EGFR: variants seen among roughly 807,000 people sequenced by gnomAD.
The protein encoded by EGFR is epidermal growth factor receptor.
In EGFR, 58 loss-of-function variants were observed where a neutral mutation model predicts 143.0. The observed-to-expected ratio is 0.41, with a 90% CI of 0.33 to 0.50. EGFR has a LOEUF of 0.50. Ranked by LOEUF, EGFR falls within the 20% of genes least tolerant of loss-of-function variation. The probability of loss-of-function intolerance (pLI) is 0.39; values close to 1 mark genes in which losing one functional copy is unlikely to be tolerated. For missense variants in EGFR, 1,307 were observed against 1,579.0 expected (o/e 0.83, Z 2.92); for synonymous variants, 613 against 594.4 (o/e 1.03, Z -0.45).
Position 55,171,163 on chromosome 7 carries a change from C to T in EGFR, c.1881-12C>T, listed in dbSNP as rs2128951325. ...ATGAGAAAAATGTATATTTCTCTTTCACTTCCTACAGATGCACTGGGCCAG... is the reference window on the plus strand; with the variant it reads ...ATGAGAAAAATGTATATTTCTCTTTTACTTCCTACAGATGCACTGGGCCAG... On this transcript the variant is annotated splice_polypyrimidine_tract_variant and intron_variant, in intron 15 of 27. Coordinates refer to ENST00000275493, the MANE Select transcript of EGFR (RefSeq NM_005228.5). 6.2e-7 allele frequency: 1 copy of T among 1,614,184 alleles called. No individual in the cohort carries two copies. Among genetic ancestry groups the T allele is most frequent in the Non-Finnish European group, 8.5e-7 (1 of 1,180,034 alleles).
chr7:55,140,019 A>G (rs1794370376), intron 1 of EGFR, among the ~76,000 whole-genome samples: 1 of 151,870 alleles, frequency 6.6e-6, no homozygotes, highest in Admixed American at 6.5e-5. Context: ...CATTTATTCA[A>G]AAAGTGCTAA....
At chr7:55,079,779 T>C (rs1034142057) in intron 1 of EGFR, among the ~76,000 whole-genome samples, 3 of 152,024 alleles carry the variant, frequency 2.0e-5, no homozygotes, top group East Asian at 1.9e-4. Context: ...ACAAGCCCAG[T>C]AGTCCGTGAA....
intron 1 of EGFR, among the ~76,000 whole-genome samples, chr7:55,124,991 G>C (rs931968710): frequency 6.6e-6 from 1 of 152,246 alleles, no homozygotes; most frequent in Non-Finnish European, 1.5e-5. Context: ...GCAAAGTTCA[G>C]CATACATGAG....
In EGFR at chr7:55,122,252, C is replaced by T. The variant is rs967906936; in HGVS notation, c.89-20034C>T. Among the ~76,000 whole-genome samples the T allele has an allele frequency of 5.3e-5, 8 of 152,196 alleles. No individual in the cohort carries two copies. The South Asian group carries it at 1.0e-3, about 20-fold the overall frequency. ...CTCCGTCGACCTTGGCCTTTGGTAA[C>T]GTGATTTTTCACCTGGCAGCTCCCA... On this transcript the variant is annotated intron_variant, in intron 1 of 27. Coordinates refer to ENST00000275493, the MANE Select transcript of EGFR (RefSeq NM_005228.5).
chr7:55,070,428 G>T (rs1789751958), intron 1 of EGFR, among the ~76,000 whole-genome samples: 1 of 152,182 alleles, frequency 6.6e-6, no homozygotes, highest in Non-Finnish European at 1.5e-5. Context: ...CGGACAAATT[G>T]CCCCAACTAC....
intron 1 of EGFR, among the ~76,000 whole-genome samples, chr7:55,041,483 C>T (rs139344324): frequency 0.011 from 1,710 of 152,216 alleles, 27 homozygotes; most frequent in African/African-American, 0.039. Context: ...CCAGCCCATA[C>T]ACATCGTACC....
At chr7:55,158,891 A>G (rs1785558694) in intron 11 of EGFR, among the ~76,000 whole-genome samples, 1 of 152,216 alleles carries the variant, frequency 6.6e-6, no homozygotes. Flanking sequence ...GTGTAGGAGA[A>G]AGGAAAAAGA....
intron 15 of EGFR, chr7:55,168,407 A>G (rs1786176731): frequency 5.3e-6 from 4 of 761,484 alleles, no homozygotes; most frequent in Admixed American, 2.0e-5. Flanking sequence ...GGCATTTTCA[A>G]TACACTTACT....
chr7:55,079,573 G>T (rs550439574), intron 1 of EGFR, among the ~76,000 whole-genome samples: 102 of 149,414 alleles, frequency 6.8e-4, no homozygotes, highest in Non-Finnish European at 1.1e-3. Flanking sequence ...GTTCAGCATG[G>T]ATTTTATGGC....
chr7:55,170,451 G>A (rs749080156), intron 15 of EGFR: 2 of 1,614,124 alleles, frequency 1.2e-6, no homozygotes, highest in Non-Finnish European at 1.7e-6. Context: ...CTTCTCTTCT[G>A]CCGTCAGAGT....
intron 10 of EGFR, chr7:55,157,051 G>A: frequency 8.3e-7 from 1 of 1,198,208 alleles, no homozygotes; most frequent in South Asian, 1.6e-5. Flanking sequence ...GTGTAAACAC[G>A]CTTTCTCCCT....
rs2128853217 is a variant in EGFR, at chr7:55,019,258, G to A, written c.-20G>A. 1 of 1,480,824 alleles carries A rather than the reference G, an allele frequency of 6.8e-7. No individual in the cohort carries two copies. Among genetic ancestry groups the A allele is most frequent in the Middle Eastern group, 2.1e-4 (1 of 4,870 alleles). 91.7% of individuals were successfully genotyped at this position (1,480,824 alleles called of 1,614,324 possible). ...CAGTATTGATCGGGAGAGCCGGAGC[G>A]AGCTCTTCGGGGAGCAGCGATGCGA... On this transcript the variant is annotated 5_prime_UTR_variant, in exon 1 of 28. Coordinates refer to ENST00000275493, the MANE Select transcript of EGFR (RefSeq NM_005228.5).
intron 1 of EGFR, among the ~76,000 whole-genome samples, chr7:55,057,163 C>T (rs951230711): frequency 6.6e-6 from 1 of 152,214 alleles, no homozygotes; most frequent in African/African-American, 2.4e-5. Context: ...CAGAAGCTTA[C>T]AGGGAGGCCA....
chr7:55,085,469 T>C (rs1435327559), intron 1 of EGFR, among the ~76,000 whole-genome samples: 1 of 152,214 alleles, frequency 6.6e-6, no homozygotes, highest in Non-Finnish European at 1.5e-5. Flanking sequence ...CACGCCCTCT[T>C]GTAGAGCCCG....
chr7:55,127,037 A>G (rs1220247400), intron 1 of EGFR, among the ~76,000 whole-genome samples: 1 of 152,236 alleles, frequency 6.6e-6, no homozygotes, highest in Non-Finnish European at 1.5e-5. Flanking sequence ...TTCCCCAGTG[A>G]AAACTAATGT....
At chr7:55,170,452 C>T (rs2128950705) in intron 15 of EGFR, 1 of 1,614,156 alleles carries the variant, frequency 6.2e-7, no homozygotes, top group Non-Finnish European at 8.5e-7. Flanking sequence ...TTCTCTTCTG[C>T]CGTCAGAGTT....
chr7:55,070,539 G>A (rs1456064028), intron 1 of EGFR, among the ~76,000 whole-genome samples: 1 of 152,216 alleles, frequency 6.6e-6, no homozygotes, highest in African/African-American at 2.4e-5. Flanking sequence ...GTACATAATA[G>A]CAGCAGCAGC....
At chr7:55,083,594 A>C (rs1312889612) in intron 1 of EGFR, among the ~76,000 whole-genome samples, 2 of 152,258 alleles carry the variant, frequency 1.3e-5, no homozygotes, top group African/African-American at 4.8e-5. Flanking sequence ...CACTGTGCGC[A>C]TGTGTGTACA....
intron 1 of EGFR, among the ~76,000 whole-genome samples, chr7:55,084,778 A>C (rs1001710917): frequency 2.0e-5 from 3 of 152,208 alleles, no homozygotes; most frequent in Non-Finnish European, 2.9e-5. Flanking sequence ...TCAAATATTT[A>C]AAGGGCTTTT....
Sources: allele counts gnomAD v4.1 joint callset (sites outside exome capture counted in the v4.1 genomes callset), GRCh38; gene constraint gnomAD v4.1.1; transcripts MANE v1.5; gene names NCBI Gene and HGNC (gene_info 2026-07-23, HGNC 2026-07-21).